The following TMEM132C variants were observed in gnomAD, a reference collection of about 807,000 sequenced individuals.
TMEM132C encodes protein phosphatase 1, regulatory subunit 152.
In TMEM132C, 29 loss-of-function variants were observed where a neutral mutation model predicts 61.4. The observed-to-expected ratio is 0.47, with a 90% confidence interval of 0.35 to 0.64. TMEM132C has a LOEUF of 0.64. Ranked by LOEUF, TMEM132C falls within the 30% of genes least tolerant of loss-of-function variation. The pLI is 0.00. For synonymous variants in TMEM132C, 656 were observed against 633.1 expected (o/e 1.04, Z -0.54); for missense variants, 1,408 against 1,476.9 (o/e 0.95, Z 0.76).
chr12:128,695,732 A>G (rs1002183385), intron 6 of TMEM132C, 98 bp from the exon 7 acceptor site: 23 of 1,356,582 alleles, frequency 1.7e-5, no homozygotes, highest in Admixed American at 2.8e-5. Flanking sequence ...CGTGTCTTCA[A>G]TGTGGTCTCC....
At chr12:128,513,041 G>C (rs934238775) in intron 2 of TMEM132C, among the ~76,000 whole-genome samples, 6 of 152,206 alleles carry the variant, frequency 3.9e-5, no homozygotes, top group African/African-American at 1.4e-4. Context: ...TGGATGATAT[G>C]CCGGGAGGGA....
chr12:128,651,669 T>A (rs1954271603), intron 4 of TMEM132C, among the ~76,000 whole-genome samples: 1 of 151,850 alleles, frequency 6.6e-6, no homozygotes. Flanking sequence ...TAAAACAATG[T>A]CTCCTAGGTG....
At chr12:128,457,102 A>C (rs753310383) in intron 2 of TMEM132C, among the ~76,000 whole-genome samples, 1 of 152,098 alleles carries the variant, frequency 6.6e-6, no homozygotes, top group Non-Finnish European at 1.5e-5. Context: ...ATGAATATTT[A>C]TATGCATGTT....
intron 3 of TMEM132C, among the ~76,000 whole-genome samples, chr12:128,572,866 A>T (rs1874943442): frequency 6.6e-6 from 1 of 152,262 alleles, no homozygotes; most frequent in South Asian, 2.1e-4. Context: ...AAAGTGGTGA[A>T]GATACCAGAG....
chr12:128,481,299 G>A (rs765871716), intron 2 of TMEM132C, among the ~76,000 whole-genome samples: 2 of 152,174 alleles, frequency 1.3e-5, no homozygotes, highest in Non-Finnish European at 2.9e-5. Context: ...CGATTTTTAC[G>A]CAATGTAGAA....
At chr12:128,677,913 T>A (rs1954605741) in intron 5 of TMEM132C, among the ~76,000 whole-genome samples, 1 of 152,234 alleles carries the variant, frequency 6.6e-6, no homozygotes, top group Non-Finnish European at 1.5e-5. Context: ...GTGCCTGCGT[T>A]AGCTCCGGCA....
chr12:128,512,863 C>A (rs570145940), intron 2 of TMEM132C, among the ~76,000 whole-genome samples: 2 of 152,296 alleles, frequency 1.3e-5, no homozygotes, highest in East Asian at 3.9e-4. Flanking sequence ...GCCACACACA[C>A]AAAACAAGAA....
intron 4 of TMEM132C, among the ~76,000 whole-genome samples, chr12:128,639,154 TGGTGA>T (rs1954131327): frequency 6.7e-6 from 1 of 149,772 alleles, no homozygotes; most frequent in South Asian, 2.1e-4. Flanking sequence ...GTGATGATGA[TGGTGA>T]TGGTGGTGAT....
chr12:128,618,689 T>C (rs999996318), intron 4 of TMEM132C, among the ~76,000 whole-genome samples: 1 of 152,224 alleles, frequency 6.6e-6, no homozygotes. Context: ...CGCCTTTCAC[T>C]TGGCTCTCAT....
intron 1 of TMEM132C, among the ~76,000 whole-genome samples, chr12:128,407,778 C>T (rs1315669428): frequency 1.3e-5 from 2 of 152,212 alleles, no homozygotes; most frequent in East Asian, 3.9e-4. Flanking sequence ...ACAAGGCAGC[C>T]CAGATTCAAA....
intron 3 of TMEM132C, among the ~76,000 whole-genome samples, chr12:128,615,255 C>A (rs1299883454): frequency 1.3e-5 from 2 of 152,052 alleles, no homozygotes; most frequent in South Asian, 4.2e-4. Context: ...GCACCAGGGA[C>A]CAGTTTCATG....
At chr12:128,573,597 A>G (rs1461872889) in intron 3 of TMEM132C, among the ~76,000 whole-genome samples, 1 of 152,054 alleles carries the variant, frequency 6.6e-6, no homozygotes, top group Non-Finnish European at 1.5e-5. Context: ...AGCTTAAAGT[A>G]TAATAATTTT....
At chr12:128,305,024 G>A (rs766289210) in intron 1 of TMEM132C, among the ~76,000 whole-genome samples, 9 of 152,060 alleles carry the variant, frequency 5.9e-5, no homozygotes, top group Non-Finnish European at 1.2e-4. Flanking sequence ...GATTCCTGTT[G>A]GGGAGAGATA....
intron 1 of TMEM132C, among the ~76,000 whole-genome samples, chr12:128,360,448 T>C (rs1371716115): frequency 2.6e-5 from 4 of 152,150 alleles, no homozygotes; most frequent in Admixed American, 2.6e-4. Flanking sequence ...TAGTTTGACT[T>C]AGGAACCGAA....
chr12:128,613,877 A>C (rs1255487619), intron 3 of TMEM132C, among the ~76,000 whole-genome samples: 1 of 152,258 alleles, frequency 6.6e-6, no homozygotes, highest in African/African-American at 2.4e-5. Flanking sequence ...ATGTTGGCAC[A>C]TGCTTGAGAT....
intron 1 of TMEM132C, among the ~76,000 whole-genome samples, chr12:128,329,437 T>G (rs917711962): frequency 1.3e-5 from 2 of 152,124 alleles, no homozygotes; most frequent in Non-Finnish European, 2.9e-5. Context: ...TGAAGGCGTG[T>G]GGTAAAGGTG....
chr12:128,651,165 C>A (rs576765847), intron 4 of TMEM132C, among the ~76,000 whole-genome samples: 1 of 152,202 alleles, frequency 6.6e-6, no homozygotes, highest in Non-Finnish European at 1.5e-5. Flanking sequence ...GGTAACAACT[C>A]CTGGATCTCC....
At chr12:128,339,238 C>T (rs1340622663) in intron 1 of TMEM132C, among the ~76,000 whole-genome samples, 1 of 151,620 alleles carries the variant, frequency 6.6e-6, no homozygotes, top group Non-Finnish European at 1.5e-5. Flanking sequence ...GCTTCCAGCT[C>T]TTAGAGGCAA....
At chr12:128,360,460 G>A (rs925980923) in intron 1 of TMEM132C, among the ~76,000 whole-genome samples, 1 of 152,128 alleles carries the variant, frequency 6.6e-6, no homozygotes, top group East Asian at 1.9e-4. Context: ...GGAACCGAAT[G>A]CTTAACGTTA....
Sources: gnomAD v4.1 joint callset for allele counts (sites outside exome capture counted in the v4.1 genomes callset) on GRCh38, gnomAD v4.1.1 for gene constraint, MANE v1.5 for transcripts, NCBI Gene and HGNC (gene_info 2026-07-23, HGNC 2026-07-21) for gene names.